STRADA: variants seen among roughly 807,000 people sequenced by gnomAD.
STRADA encodes STE20-related kinase adapter protein alpha.
STRADA carries 26 observed loss-of-function variants against 55.0 expected under a neutral mutation model. The observed-to-expected ratio is 0.47, with a 90% CI of 0.35 to 0.66. The LOEUF (loss-of-function observed/expected upper bound fraction) is 0.66, where lower values mean the gene tolerates loss of function less well. Among genes scored for constraint, STRADA ranks in the 30% least tolerant of loss-of-function variants. STRADA has a pLI of 0.01. For missense variants in STRADA, 443 were observed against 549.7 expected, an observed-to-expected ratio of 0.81 and a Z score of 1.94; for synonymous variants, 197 against 210.9, an observed-to-expected ratio of 0.93 and a Z score of 0.57.
intron 9 of STRADA, 52 bp downstream of exon 9, chr17:63,707,195 C>T (rs2036151901): frequency 3.7e-6 from 6 of 1,602,782 alleles, no homozygotes; most frequent in South Asian, 3.3e-5. Context: ...CTGAAGGCTC[C>T]CTTGGGAATC....
intron 8 of STRADA, among the ~76,000 whole-genome samples, chr17:63,709,618 A>G (rs1463772546): frequency 6.6e-6 from 1 of 152,170 alleles, no homozygotes; most frequent in Admixed American, 6.5e-5. Flanking sequence ...GTGCTTCTAA[A>G]ATGTTGAGAA....
chr17:63,704,328 C>T lies in STRADA; in HGVS notation c.1100+13G>A, dbSNP rs1293151633. 1 of 1,611,750 alleles carries T rather than the reference C, an allele frequency of 6.2e-7. No individual in the cohort carries two copies. The highest frequency in any genetic ancestry group is 1.7e-5 in the Admixed American group (1 of 59,774). On this transcript the variant is annotated intron_variant, in intron 11 of 12. Coordinates refer to ENST00000336174, the MANE Select transcript of STRADA (RefSeq NM_001003787.4). The stretch of plus-strand genomic sequence containing the variant: ...TGCTCTCCCGAAGCCCAGGCCCAGG[C>T]CAGCAGGGATACCTGGCATCCGGGT...
At chr17:63,737,185 G>C (rs1042602990) in intron 1 of STRADA, among the ~76,000 whole-genome samples, 5 of 142,486 alleles carry the variant, frequency 3.5e-5, no homozygotes, top group African/African-American at 1.1e-4. Flanking sequence ...GGAGGCGGAG[G>C]TTGCAGTGAG....
intron 4 of STRADA, among the ~76,000 whole-genome samples, chr17:63,716,099 T>G (rs1265929540): frequency 6.6e-6 from 1 of 151,246 alleles, no homozygotes; most frequent in Non-Finnish European, 1.5e-5. Context: ...TACGTGGTTT[T>G]TTTTTTTTTT....
chr17:63,719,631 G>A (rs952921937), intron 4 of STRADA, among the ~76,000 whole-genome samples: 3 of 151,968 alleles, frequency 2.0e-5, no homozygotes, highest in Non-Finnish European at 2.9e-5. Context: ...TTACAGGTGC[G>A]TGCTACCATG....
chr17:63,736,741 G>T (rs2038453463), intron 1 of STRADA, among the ~76,000 whole-genome samples: 1 of 151,680 alleles, frequency 6.6e-6, no homozygotes, highest in African/African-American at 2.4e-5. Flanking sequence ...GAAGTTGGCA[G>T]GTTGAAGAAA....
intron 5 of STRADA, among the ~76,000 whole-genome samples, 160 bp from the exon 6 acceptor site, chr17:63,713,687 G>T (rs772681239): frequency 1.3e-5 from 2 of 149,694 alleles, no homozygotes; most frequent in Non-Finnish European, 3.0e-5. Flanking sequence ...GAATTTAACT[G>T]TTATGTTCAT....
chr17:63,716,436 T>A lies in STRADA; in HGVS notation c.124-2328A>T, dbSNP rs186091580. Among the ~76,000 whole-genome samples, 5 of 152,264 alleles carry A rather than the reference T, an allele frequency of 3.3e-5. No homozygotes were observed. The East Asian group carries it at 9.6e-4, about 29-fold the overall frequency. Reference sequence around the variant, plus strand: ...AATTTATCTTTTCCCCAACACTTGGTATTTTCAGATTTCTTAATTTTTGCC... The same window carrying A: ...AATTTATCTTTTCCCCAACACTTGGAATTTTCAGATTTCTTAATTTTTGCC... On this transcript the variant is annotated intron_variant, in intron 4 of 12. Coordinates refer to ENST00000336174, the MANE Select transcript of STRADA (RefSeq NM_001003787.4).
intron 2 of STRADA, chr17:63,728,128 C>T (rs952827800): frequency 1.4e-5 from 7 of 515,958 alleles, no homozygotes; most frequent in Non-Finnish European, 2.4e-5. Context: ...ATCAGACAAG[C>T]TGGTGGTAAA....
intron 2 of STRADA, chr17:63,726,924 G>A (rs368015878): frequency 1.7e-6 from 1 of 579,088 alleles, no homozygotes; most frequent in Non-Finnish European, 3.0e-6. Context: ...TTTGACAGAT[G>A]AGAAATAGAT....
In STRADA at chr17:63,710,701, T is replaced by C. The variant is rs369527257; in HGVS notation, c.457+27A>G. On this transcript the variant is annotated intron_variant, in intron 7 of 12. Coordinates refer to ENST00000336174, the MANE Select transcript of STRADA (RefSeq NM_001003787.4). ...TGACAACAGAGTCCCAATAACCCCT[T>C]TCTACCAAGAACCCTTTCCCACTCA... The C allele has an allele frequency of 3.7e-6, 6 of 1,613,868 alleles. No individual in the cohort carries two copies. In the African/African-American group the frequency reaches 8.0e-5, roughly 22 times the overall value.
At chr17:63,732,804 A>T (rs1325116157) in intron 1 of STRADA, among the ~76,000 whole-genome samples, 2 of 146,196 alleles carry the variant, frequency 1.4e-5, no homozygotes, top group Non-Finnish European at 3.0e-5. Context: ...CTGGTCTTGA[A>T]CTCCTGGGCT....
chr17:63,732,257 G>A (rs1237930309), intron 1 of STRADA, among the ~76,000 whole-genome samples: 2 of 152,000 alleles, frequency 1.3e-5, no homozygotes, highest in African/African-American at 4.8e-5. Flanking sequence ...CACCCGCCTC[G>A]GCCTCCCAAA....
intron 4 of STRADA, among the ~76,000 whole-genome samples, chr17:63,720,771 TAAA>T (rs777238779): frequency 1.8e-5 from 2 of 108,904 alleles, no homozygotes; most frequent in African/African-American, 7.0e-5. Flanking sequence ...CGAGACTGTT[TAAA>T]AAAAAAAAAA....
In STRADA at chr17:63,707,277, C is replaced by T; in HGVS notation, c.723G>A (p.Leu241=). The change falls in exon 9 of 13, where the codon CTG becomes CTA. Residue 241 remains leucine (L), a synonymous_variant. Transcript: ENST00000336174. ...HDFPKYSVKV[L]PWLSPEVLQQ... ...GGAGGACCTCGGGGCTGAGCCACGG[C>T]AGAACCTTGACACTGTACTTGGGAA... 6.2e-7 allele frequency: 1 copy of T among 1,614,196 alleles called. No individual in the cohort carries two copies.
chr17:63,703,716 C>G lies in STRADA; in HGVS notation c.1179G>C (p.Leu393Phe), dbSNP rs1568168282. The G allele has an allele frequency of 1.2e-6, 2 of 1,614,140 alleles. No homozygotes were observed. The highest frequency in any genetic ancestry group is 2.2e-5 in the South Asian group (2 of 91,086). Residue 393 changes from leucine (L) to phenylalanine (F), a missense_variant, in exon 13 of 13, where the codon TTG becomes TTC. Physicochemically the swap from Leu to Phe is conservative, Grantham distance 22 (BLOSUM62 0). Coordinates refer to ENST00000336174, the MANE Select transcript of STRADA (RefSeq NM_001003787.4). ...KRRASEALPE[L>F]LRPVTPITNF... ...TGGTGATGGGGGTGACAGGACGAAGCAATTCGGGCAAAGCCTCTGAGGCAC... is the reference window on the plus strand; with the variant it reads ...TGGTGATGGGGGTGACAGGACGAAGGAATTCGGGCAAAGCCTCTGAGGCAC...
intron 4 of STRADA, chr17:63,715,386 C>A (rs1293994223): frequency 6.6e-6 from 1 of 152,216 alleles, no homozygotes; most frequent in Non-Finnish European, 1.5e-5. Flanking sequence ...GACCCAGGCC[C>A]AAACCAGTGA....
rs778248858 is a variant in STRADA, at chr17:63,728,379, C to T, written c.-10G>A. On this transcript the variant is annotated 5_prime_UTR_variant, in exon 2 of 13. Coordinates refer to ENST00000336174, the MANE Select transcript of STRADA (RefSeq NM_001003787.4). ...TTACAAGAAATGACATGAGTTCCTA[C>T]TGTGTAGGCCTACTTCAGTTTCAAA... 6 of 1,608,700 alleles carry T rather than the reference C, an allele frequency of 3.7e-6. 1 individual carries two copies. Among genetic ancestry groups the T allele is most frequent in the East Asian group, 2.2e-5 (1 of 44,638 alleles).
chr17:63,739,894 G>C (rs1486290233), intron 1 of STRADA, among the ~76,000 whole-genome samples: 1 of 142,646 alleles, frequency 7.0e-6, no homozygotes, highest in Non-Finnish European at 1.5e-5. Context: ...CGAAGGCCCG[G>C]GCCTGGGGAG....
Sources: allele counts gnomAD v4.1 joint callset (sites outside exome capture counted in the v4.1 genomes callset), GRCh38; gene constraint gnomAD v4.1.1; transcripts MANE v1.5; gene names NCBI Gene and HGNC (gene_info 2026-07-23, HGNC 2026-07-21).